SPIN1: variants seen among roughly 807,000 people sequenced by gnomAD.
The protein encoded by SPIN1 is spindlin-1.
A neutral mutation model predicts 26.0 loss-of-function variants in SPIN1; 3 were observed. The ratio of observed to expected loss-of-function variants is 0.12; its 90% CI spans 0.05 to 0.30. The LOEUF (loss-of-function observed/expected upper bound fraction) is 0.30, where lower values mean the gene tolerates loss of function less well. Among genes scored for constraint, SPIN1 ranks in the 10% least tolerant of loss-of-function variants. The pLI, the probability that SPIN1 is intolerant of heterozygous loss-of-function variation, is 1.00. For missense variants in SPIN1, 126 were observed against 333.4 expected (o/e 0.38, Z 4.84); for synonymous variants, 101 against 116.5 (o/e 0.87, Z 0.86).
Position 88,478,526 on chromosome 9 carries a change from A to G in SPIN1, c.*3249A>G, listed in dbSNP as rs565099506. ...AAATGACCTCATCTTTCAAGCTTGA[A>G]TTCATTTTTAATTTTAATTTTATTT... On this transcript the variant is annotated 3_prime_UTR_variant, in exon 6 of 6. Coordinates refer to ENST00000375859, the MANE Select transcript of SPIN1 (RefSeq NM_006717.3). 9.8e-5 allele frequency: 15 copies of G among 152,634 alleles called. No homozygotes were observed. Among genetic ancestry groups the G allele is most frequent in the Non-Finnish European group, 1.8e-4 (12 of 68,048 alleles). 9.5% of individuals were successfully genotyped at this position (152,634 alleles called of 1,614,324 possible). A position where few individuals can be genotyped will look rare whatever the true frequency, so the allele number is the denominator to read the frequency against.
At chr9:88,423,820 C>CAGTGGT (rs2118013155) in intron 1 of SPIN1, among the ~76,000 whole-genome samples, 1 of 151,322 alleles carries the variant, frequency 6.6e-6, no homozygotes, top group South Asian at 2.1e-4. Context: ...GGCTGGAGTG[C>CAGTGGT]AGTGGTGTGA....
chr9:88,463,921 TA>T (rs1465405519), intron 4 of SPIN1, among the ~76,000 whole-genome samples: 1 of 152,184 alleles, frequency 6.6e-6, no homozygotes, highest in African/African-American at 2.4e-5. Flanking sequence ...TTTAACATAT[TA>T]AAAATCTTAA....
At chr9:88,406,359 C>T (rs868532474) in intron 1 of SPIN1, among the ~76,000 whole-genome samples, 3 of 151,052 alleles carry the variant, frequency 2.0e-5, no homozygotes, top group Middle Eastern at 3.2e-3. Context: ...GGCGCAGACT[C>T]GGTTCACTGC....
At chr9:88,461,008 T>A (rs902132747) in intron 3 of SPIN1, among the ~76,000 whole-genome samples, 21 of 152,334 alleles carry the variant, frequency 1.4e-4, no homozygotes, top group Middle Eastern at 3.4e-3. Context: ...ATTGTTAGTC[T>A]TTTTCCTCCT....
At chr9:88,414,075 T>C (rs1053779609) in intron 1 of SPIN1, among the ~76,000 whole-genome samples, 5 of 151,482 alleles carry the variant, frequency 3.3e-5, no homozygotes, top group Non-Finnish European at 7.4e-5. Context: ...AGAAGTGACA[T>C]ATAGGGCAGT....
At chr9:88,454,296 C>T (rs1828424853) in intron 3 of SPIN1, among the ~76,000 whole-genome samples, 1 of 152,142 alleles carries the variant, frequency 6.6e-6, no homozygotes. Context: ...TCACTATATT[C>T]AAAGAACCTT....
At chr9:88,470,154 T>G (rs1828750245) in intron 5 of SPIN1, among the ~76,000 whole-genome samples, 1 of 152,256 alleles carries the variant, frequency 6.6e-6, no homozygotes, top group African/African-American at 2.4e-5. Context: ...CTTCATTCCT[T>G]TTAATGGCCA....
chr9:88,414,042 A>AAAT (rs1564026318), intron 1 of SPIN1, among the ~76,000 whole-genome samples: 1 of 151,894 alleles, frequency 6.6e-6, no homozygotes, highest in African/African-American at 2.4e-5. Flanking sequence ...AAAAAAAAAA[A>AAAT]ATACAAATTA....
intron 1 of SPIN1, among the ~76,000 whole-genome samples, chr9:88,416,075 T>G (rs1001670071): frequency 1.3e-5 from 2 of 152,006 alleles, no homozygotes; most frequent in African/African-American, 4.8e-5. Context: ...CTTAATAAAT[T>G]CTTGTAGTTA....
chr9:88,462,173 TTAAAA>T (rs775544354), intron 3 of SPIN1, among the ~76,000 whole-genome samples: 16 of 152,208 alleles, frequency 1.1e-4, no homozygotes, highest in Non-Finnish European at 1.8e-4. Context: ...GTTGATTGAA[TTAAAA>T]TAAACTCAGA....
At chr9:88,412,314 A>C (rs986164467) in intron 1 of SPIN1, among the ~76,000 whole-genome samples, 1 of 152,116 alleles carries the variant, frequency 6.6e-6, no homozygotes, top group African/African-American at 2.4e-5. Flanking sequence ...TTATTTCTCT[A>C]AGCAACTCTG....
intron 1 of SPIN1, among the ~76,000 whole-genome samples, chr9:88,392,906 G>T (rs1308641065): frequency 6.6e-6 from 1 of 152,138 alleles, no homozygotes; most frequent in Non-Finnish European, 1.5e-5. Context: ...AATTCTGCAT[G>T]TAACATTAAG....
chr9:88,413,853 A>G (rs1053682755), intron 1 of SPIN1, among the ~76,000 whole-genome samples: 4 of 152,180 alleles, frequency 2.6e-5, no homozygotes, highest in Non-Finnish European at 4.4e-5. Context: ...CAAAGTTAAT[A>G]GGTTTTCACA....
At chr9:88,414,652 C>T (rs1331984044) in intron 1 of SPIN1, among the ~76,000 whole-genome samples, 2 of 152,110 alleles carry the variant, frequency 1.3e-5, no homozygotes, top group East Asian at 3.9e-4. Context: ...GTATTTTGAG[C>T]TACAACAAAT....
intron 1 of SPIN1, among the ~76,000 whole-genome samples, chr9:88,418,203 A>G (rs1587785853): frequency 6.6e-6 from 1 of 151,960 alleles, no homozygotes; most frequent in Admixed American, 6.6e-5. Context: ...CCCTCTAACC[A>G]CTGGTGGGGT....
chr9:88,451,076 T>A (rs909913407), intron 3 of SPIN1, among the ~76,000 whole-genome samples: 3 of 148,974 alleles, frequency 2.0e-5, no homozygotes, highest in Non-Finnish European at 1.5e-5. Flanking sequence ...TAGCATAGAT[T>A]CCTTTCTAAA....
intron 1 of SPIN1, chr9:88,411,324 T>A (rs1827437848): frequency 6.9e-7 from 1 of 1,442,940 alleles, no homozygotes; most frequent in South Asian, 1.1e-5. Context: ...TTTGGATCTC[T>A]CATTACCACA....
rs745957915 is a variant in SPIN1 at position 88,441,424 on chromosome 9, C to T, written c.53-7517C>T. 6.6e-4 allele frequency among the ~76,000 whole-genome samples: 60 copies of T among 90,266 alleles called. 2 individuals carry two copies. The highest frequency in any genetic ancestry group is 5.1e-3 in the African/African-American group (33 of 6,422). The allele number at this position is 90,266 out of a possible 152,430, so 59.2% of individuals were successfully genotyped here. A position where few individuals can be genotyped will look rare whatever the true frequency, so the allele number is the denominator to read the frequency against. ...GTGTGTGTGTGTGTGTGCGCGCGCGCGCGCCCATGTGTGTGTACATACATT... is the reference window on the plus strand; with the variant it reads ...GTGTGTGTGTGTGTGTGCGCGCGCGTGCGCCCATGTGTGTGTACATACATT... On this transcript the variant is annotated intron_variant, in intron 2 of 5. Coordinates refer to ENST00000375859, the MANE Select transcript of SPIN1 (RefSeq NM_006717.3).
rs1378442258 is a variant in SPIN1, at chr9:88,476,937, T to C, written c.*1660T>C. On this transcript the variant is annotated 3_prime_UTR_variant, in exon 6 of 6. Coordinates refer to ENST00000375859, the MANE Select transcript of SPIN1 (RefSeq NM_006717.3). ...TCTTGATGGTTTCCAGGCCTCGTTA[T>C]GCATGGTTTGCTTGATGCCCATTTT... is the stretch of plus-strand genomic sequence containing the variant. The C allele has an allele frequency of 6.6e-6, 1 of 152,276 alleles. No individual in the cohort carries two copies. The highest frequency in any genetic ancestry group is 2.4e-5 in the African/African-American group (1 of 41,458). 9.4% of individuals were successfully genotyped at this position (152,276 alleles called of 1,614,324 possible).
Sources: allele counts gnomAD v4.1 joint callset (sites outside exome capture counted in the v4.1 genomes callset), GRCh38; gene constraint gnomAD v4.1.1; transcripts MANE v1.5; gene names NCBI Gene and HGNC (gene_info 2026-07-23, HGNC 2026-07-21).